The following DISP1 variants were observed in gnomAD, a reference collection of about 807,000 sequenced individuals.
DISP1 encodes the protein dispatched RND transporter family member 1.
Under a neutral mutation model 37.3 loss-of-function variants are expected in DISP1, and 30 were observed. That is an observed-to-expected ratio of 0.80 (90% CI 0.60 to 1.09). DISP1 has a LOEUF of 1.09. Among genes scored for constraint, DISP1 ranks in the 50% least tolerant of loss-of-function variants. DISP1 has a pLI of 0.00. For missense variants in DISP1, 1,598 were observed against 1,879.5 expected (o/e 0.85, Z 2.77); for synonymous variants, 634 against 690.2 (o/e 0.92, Z 1.28).
At chr1:222,837,203 G>A (rs1045993861) in intron 1 of DISP1, 4 of 393,580 alleles carry the variant, frequency 1.0e-5, no homozygotes, top group Non-Finnish European at 1.8e-5. Flanking sequence ...TTTCTCTTTG[G>A]CTGGGAAATG....
chr1:222,852,503 G>A (rs776748246), intron 1 of DISP1, among the ~76,000 whole-genome samples: 18 of 151,880 alleles, frequency 1.2e-4, no homozygotes, highest in Middle Eastern at 3.2e-3. Flanking sequence ...CACCGTGCCC[G>A]GCACCAAAGT....
At chr1:222,864,435 T>C (rs1669061409) in intron 1 of DISP1, among the ~76,000 whole-genome samples, 1 of 152,162 alleles carries the variant, frequency 6.6e-6, no homozygotes, top group Non-Finnish European at 1.5e-5. Context: ...CCATTTATTA[T>C]ATATTTTTGA....
At chr1:222,977,345 T>TTC (rs1553253781) in intron 3 of DISP1, among the ~76,000 whole-genome samples, 1 of 149,634 alleles carries the variant, frequency 6.7e-6, no homozygotes, top group Non-Finnish European at 1.5e-5. Flanking sequence ...GCATATTCTT[T>TTC]TTTTTTTTTT....
intron 3 of DISP1, among the ~76,000 whole-genome samples, chr1:222,971,986 G>A (rs1408045866): frequency 3.9e-5 from 6 of 151,946 alleles, no homozygotes; most frequent in South Asian, 4.1e-4. Flanking sequence ...TTATAAAACC[G>A]TACCCTCAAC....
intron 4 of DISP1, among the ~76,000 whole-genome samples, chr1:222,984,420 A>ATG (rs72496847): frequency 1.7e-5 from 1 of 59,152 alleles, no homozygotes; most frequent in African/African-American, 5.5e-5. Flanking sequence ...AAAAAAAAAA[A>ATG]AATATATATA....
intron 3 of DISP1, among the ~76,000 whole-genome samples, chr1:222,961,697 A>G (rs1331051705): frequency 6.6e-6 from 1 of 152,214 alleles, no homozygotes. Context: ...TGCAGACAAT[A>G]TGATTTTATA....
intron 1 of DISP1, among the ~76,000 whole-genome samples, chr1:222,880,145 C>T (rs891907523): frequency 1.3e-5 from 2 of 152,138 alleles, no homozygotes; most frequent in Non-Finnish European, 1.5e-5. Context: ...GTACCCATTA[C>T]AATTTACACT....
intron 1 of DISP1, among the ~76,000 whole-genome samples, chr1:222,852,437 A>C (rs772471070): frequency 3.3e-5 from 5 of 151,802 alleles, no homozygotes; most frequent in Non-Finnish European, 7.4e-5. Context: ...GAACTGCTGG[A>C]CTCAAGTGAT....
intron 1 of DISP1, among the ~76,000 whole-genome samples, chr1:222,844,645 A>G (rs1418839243): frequency 2.0e-5 from 3 of 152,176 alleles, no homozygotes; most frequent in Middle Eastern, 3.2e-3. Flanking sequence ...AAGCTTTAGT[A>G]TCAATTGCAA....
In DISP1 at chr1:222,895,715, G is replaced by C. The variant is rs568095277; in HGVS notation, c.-158-32715G>C. ...AAGGTAATTCAATGGAGAAGGATCA[G>C]TCTTTTCCACATATGATGGGTTAAC... On this transcript the variant is annotated intron_variant, in intron 1 of 8. Coordinates refer to ENST00000675850, the MANE Select transcript of DISP1 (RefSeq NM_001377229.1). Among the ~76,000 whole-genome samples the C allele has an allele frequency of 2.6e-5, 4 of 152,326 alleles. No individual in the cohort carries two copies. In the East Asian group the frequency reaches 5.8e-4, roughly 22 times the overall value.
At chr1:222,846,132 T>C (rs185164132) in intron 1 of DISP1, among the ~76,000 whole-genome samples, 1 of 152,360 alleles carries the variant, frequency 6.6e-6, no homozygotes. Flanking sequence ...GACTATGGAT[T>C]TTTTTCTGTT....
At chr1:222,926,029 C>T (rs1050188846) in intron 1 of DISP1, among the ~76,000 whole-genome samples, 2 of 152,144 alleles carry the variant, frequency 1.3e-5, no homozygotes, top group African/African-American at 4.8e-5. Flanking sequence ...AATTCTATAA[C>T]ATTTTCACCA....
chr1:222,933,480 A>G (rs1198575208), intron 2 of DISP1, among the ~76,000 whole-genome samples: 1 of 151,966 alleles, frequency 6.6e-6, no homozygotes, highest in Non-Finnish European at 1.5e-5. Context: ...CTTCATTTTC[A>G]TATTTCCTGG....
At chr1:222,851,587 T>C (rs1415509978) in intron 1 of DISP1, among the ~76,000 whole-genome samples, 1 of 152,182 alleles carries the variant, frequency 6.6e-6, no homozygotes, top group African/African-American at 2.4e-5. Context: ...TGCATCATAG[T>C]ATTAGAAAGG....
intron 1 of DISP1, among the ~76,000 whole-genome samples, chr1:222,904,749 G>A (rs1671806557): frequency 1.3e-5 from 2 of 151,896 alleles, no homozygotes; most frequent in South Asian, 4.1e-4. Flanking sequence ...TGTGTTTTTA[G>A]TAGAGACGGG....
chr1:222,840,167 C>T (rs986596546), intron 1 of DISP1, among the ~76,000 whole-genome samples: 2 of 152,148 alleles, frequency 1.3e-5, no homozygotes, highest in African/African-American at 2.4e-5. Flanking sequence ...ATTCTTTTCC[C>T]ACCATGGTAA....
chr1:222,907,088 TG>T (rs1299090535), intron 1 of DISP1, among the ~76,000 whole-genome samples: 1 of 152,168 alleles, frequency 6.6e-6, no homozygotes. Context: ...AATAAAATAG[TG>T]GCCATCGATT....
intron 3 of DISP1, among the ~76,000 whole-genome samples, chr1:222,968,841 G>A (rs547182117): frequency 6.6e-6 from 1 of 152,224 alleles, no homozygotes; most frequent in East Asian, 1.9e-4. Context: ...TCTGAGGCAG[G>A]AGAATCGCTT....
chr1:222,824,607 A>G (rs1194660198), intron 1 of DISP1, among the ~76,000 whole-genome samples: 2 of 152,112 alleles, frequency 1.3e-5, no homozygotes, highest in African/African-American at 4.8e-5. Context: ...TATTTGTTAA[A>G]TGTAATTCTT....
Sources: gnomAD v4.1 joint callset for allele counts (sites outside exome capture counted in the v4.1 genomes callset) on GRCh38, gnomAD v4.1.1 for gene constraint, MANE v1.5 for transcripts, NCBI Gene and HGNC (gene_info 2026-07-23, HGNC 2026-07-21) for gene names.